Variants in SCAF11 observed in about 807,000 individuals in gnomAD.
SCAF11 encodes protein SCAF11.
SCAF11 carries 47 observed loss-of-function variants against 140.5 expected under a neutral mutation model. The observed-to-expected ratio is 0.33, with a 90% CI of 0.26 to 0.43. The LOEUF is 0.43. Among genes scored for constraint, SCAF11 ranks in the 20% least tolerant of loss-of-function variants. The pLI, the probability that SCAF11 is intolerant of heterozygous loss-of-function variation, is 1.00. For missense variants in SCAF11, 1,645 were observed against 1,705.1 expected (o/e 0.96, Z 0.62); for synonymous variants, 557 against 579.4 (o/e 0.96, Z 0.55).
At chr12:45,954,603 T>G (rs1945634514) in intron 3 of SCAF11, 1 of 150,312 alleles carries the variant, frequency 6.7e-6, no homozygotes, top group Non-Finnish European at 1.5e-5. Flanking sequence ...AGGGTTTCAC[T>G]CTGTCGCCCA....
chr12:45,985,420 C>A (rs1012486667), intron 1 of SCAF11, among the ~76,000 whole-genome samples: 2 of 152,152 alleles, frequency 1.3e-5, no homozygotes, highest in African/African-American at 4.8e-5. Context: ...CTTAGATACC[C>A]CATACTGAAG....
intron 5 of SCAF11, among the ~76,000 whole-genome samples, 176 bp from the exon 6 acceptor site, chr12:45,945,489 G>C (rs1945400448): frequency 1.3e-5 from 2 of 150,970 alleles, no homozygotes; most frequent in African/African-American, 4.9e-5. Context: ...TGAGATATTA[G>C]AATGTCAAGT....
intron 6 of SCAF11, among the ~76,000 whole-genome samples, chr12:45,940,266 A>AT (rs1945266355): frequency 1.3e-5 from 2 of 152,224 alleles, no homozygotes; most frequent in Non-Finnish European, 2.9e-5. Context: ...CAGTTAACTG[A>AT]TAAGTGGGGA....
At chr12:45,984,399 T>C (rs1946416432) in intron 1 of SCAF11, among the ~76,000 whole-genome samples, 1 of 152,218 alleles carries the variant, frequency 6.6e-6, no homozygotes, top group East Asian at 1.9e-4. Flanking sequence ...GTAATTATGA[T>C]GTGTTTTTCT....
In SCAF11 at chr12:45,926,389, T is replaced by C; in HGVS notation, c.3312A>G (p.Ser1104=). 1 of 1,614,242 alleles carries C rather than the reference T, an allele frequency of 6.2e-7. No individual in the cohort carries two copies. Among genetic ancestry groups the C allele is most frequent in the Non-Finnish European group, 8.5e-7 (1 of 1,180,036 alleles). ...CACTCCCTGAACTGTTTGAATTCCC[T>C]GAGAGGGGTTTTCGATTTTGCCACC... is the stretch of plus-strand genomic sequence containing the variant. ...ENRWQNRKPL[S]GNSNSSGSES... The change falls in exon 11 of 15, where the codon TCA becomes TCG. Residue 1104 remains serine, a synonymous_variant. Coordinates refer to ENST00000369367, the MANE Select transcript of SCAF11 (RefSeq NM_004719.3).
At position 45,927,875 on chromosome 12, in the gene SCAF11, G is replaced by C; in HGVS notation, c.1826C>G (p.Pro609Arg). The C allele has an allele frequency of 6.2e-7, 1 of 1,613,358 alleles. No individual in the cohort carries two copies. The highest frequency in any genetic ancestry group is 8.5e-7 in the Non-Finnish European group (1 of 1,179,868). Residue 609 changes from proline (P) to arginine (R), a missense_variant, in exon 11 of 15, where the codon CCC becomes CGC. Transcript: ENST00000369367. ...TTCACCCTCAGAAGATTCTAACTTG[G>C]GGCTCTCTATAAGCTCCTCTGTTTT... Reference protein sequence around the residue: ...TLKTEELIESPKLESSEGEII... With the variant: ...TLKTEELIESRKLESSEGEII...
chr12:45,990,453 T>A lies in SCAF11; in HGVS notation c.-122A>T. 1 of 1,231,496 alleles carries A rather than the reference T, an allele frequency of 8.1e-7. No individual in the cohort carries two copies. Among genetic ancestry groups the A allele is most frequent in the Non-Finnish European group, 1.0e-6 (1 of 988,032 alleles). The allele number at this position is 1,231,496 out of a possible 1,614,324, so 76.3% of individuals were successfully genotyped here. On this transcript the variant is annotated 5_prime_UTR_variant, in exon 1 of 15. Transcript: ENST00000369367. ...AAGTTCCCCAACATGGACTCCTTCG[T>A]CCGCTTTGTGGTGTTACAGGGTCTC...
At chr12:45,976,663 CA>C in intron 1 of SCAF11, among the ~76,000 whole-genome samples, 1 of 151,966 alleles carries the variant, frequency 6.6e-6, no homozygotes, top group Non-Finnish European at 1.5e-5. Context: ...AGGGAACAAA[CA>C]GAAAATAGAC....
intron 5 of SCAF11, 135 bp from the exon 6 acceptor site, chr12:45,945,448 A>T (rs1945399734): frequency 3.3e-6 from 2 of 600,954 alleles, no homozygotes. Flanking sequence ...AAATCTGGTA[A>T]ATGGTTTAAG....
rs1390185203 is a variant in SCAF11, at chr12:45,974,089, A to G, written c.-21-9901T>C. On this transcript the variant is annotated intron_variant, in intron 1 of 14. Coordinates refer to ENST00000369367, the MANE Select transcript of SCAF11 (RefSeq NM_004719.3). ...TATTGCAATAAAGCAAGTCACACAA[A>G]ATTTTTGGTTTCCTAGTATATATGT... The G allele has an allele frequency of 1.2e-5, 5 of 415,914 alleles. No homozygotes were observed. The East Asian group carries it at 3.6e-4, about 30-fold the overall frequency. 25.8% of individuals were successfully genotyped at this position (415,914 alleles called of 1,614,324 possible).
intron 1 of SCAF11, among the ~76,000 whole-genome samples, chr12:45,972,680 T>C (rs570570976): frequency 1.4e-5 from 2 of 146,490 alleles, no homozygotes; most frequent in South Asian, 4.3e-4. Context: ...TGTAACATAA[T>C]ATTCAAAATG....
intron 6 of SCAF11, among the ~76,000 whole-genome samples, chr12:45,938,481 CT>C (rs1339570335): frequency 6.7e-6 from 1 of 149,304 alleles, no homozygotes; most frequent in African/African-American, 2.4e-5. Context: ...AAGAGCGAGA[CT>C]GCATCTCAAA....
At chr12:45,952,684 G>T (rs1945579951) in intron 3 of SCAF11, among the ~76,000 whole-genome samples, 1 of 151,940 alleles carries the variant, frequency 6.6e-6, no homozygotes, top group South Asian at 2.1e-4. Flanking sequence ...TGTAAGAATG[G>T]GTTTACATTA....
At position 45,928,443 on chromosome 12, in the gene SCAF11, C is replaced by T. The variant is rs777971574; in HGVS notation, c.1258G>A (p.Glu420Lys). 9 of 1,612,220 alleles carry T rather than the reference C, an allele frequency of 5.6e-6. No homozygotes were observed. The highest frequency in any genetic ancestry group is 1.6e-4 in the Middle Eastern group (1 of 6,074). Reference protein sequence around the residue: ...TAESDTSPVLEKEHQPDVDSS... With the variant: ...TAESDTSPVLKKEHQPDVDSS... ...TCTACATCTGGTTGGTGCTCTTTTT[C>T]TAACACAGGTGATGTGTCAGATTCT... The change falls in exon 11 of 15, where the codon GAA (glutamate) becomes AAA (lysine). Residue 420 changes from glutamate to lysine, a missense_variant. Around this residue, in one of 2 missense-constraint regions of SCAF11, gnomAD observed 1,582 missense variants for 1,609.2 expected, o/e 0.98. Coordinates refer to ENST00000369367, the MANE Select transcript of SCAF11 (RefSeq NM_004719.3).
chr12:45,921,838 TTG>T lies in SCAF11; in HGVS notation c.*208_*209del, dbSNP rs1178122546. 24 of 525,392 alleles carry T rather than the reference TTG, an allele frequency of 4.6e-5. No homozygotes were observed. The South Asian group carries it at 5.7e-4, about 12-fold the overall frequency. The allele number at this position is 525,392 out of a possible 1,614,324, so 32.5% of individuals were successfully genotyped here. On this transcript the variant is annotated 3_prime_UTR_variant, in exon 15 of 15. Transcript: ENST00000369367. ...TAAACCCTTTACTTTCCCTTGAATTTTGTGGGGGAGGGTGGAGGGGAAGGAAG... is the reference window on the plus strand; with the variant it reads ...TAAACCCTTTACTTTCCCTTGAATTTTGGGGGAGGGTGGAGGGGAAGGAAG...
At position 45,930,454 on chromosome 12, in the gene SCAF11, TTG is replaced by T. The variant is rs1491422651; in HGVS notation, c.841+1050_841+1051del. Among the ~76,000 whole-genome samples, 54 of 148,674 alleles carry T rather than the reference TTG, an allele frequency of 3.6e-4. 1 individual carries two copies. The highest frequency in any genetic ancestry group is 3.4e-3 in the Middle Eastern group (1 of 290). ...TTTTGCGTTGTGTTTTGTTTTTTTT[TTG>T]TTTTTTTTTTTTTTTGAGACAGGCT... On this transcript the variant is annotated intron_variant, in intron 10 of 14. Transcript: ENST00000369367.
chr12:45,928,579 C>A lies in SCAF11; in HGVS notation c.1122G>T (p.Arg374=). The A allele has an allele frequency of 6.2e-7, 1 of 1,614,084 alleles. No individual in the cohort carries two copies. Among genetic ancestry groups the A allele is most frequent in the Non-Finnish European group, 8.5e-7 (1 of 1,180,002 alleles). The stretch of plus-strand genomic sequence containing the variant: ...GTTTTCTTCCTCTTCTTACAGACTT[C>A]CGTTTTGGAGCCTGTCTTGTTTGCT... The part of the protein sequence containing the change: ...SEKQTRQAPK[R]KSVRRGRKPP... Residue 374 remains arginine, a synonymous_variant, in exon 11 of 15, where the codon CGG becomes CGT. Transcript: ENST00000369367.
rs966951200 is a variant in SCAF11, at chr12:45,924,922, G to A, written c.3712C>T (p.Pro1238Ser). ...IFPYPVGVHA[P>S]LMNIQRNPFN... ...GGATTGCGTTGGATGTTCATCAAAG[G>A]AGCATGAACACCCACTGGATATGGG... Residue 1238 changes from proline (P) to serine (S), a missense_variant, in exon 12 of 15, where the codon CCT (proline) becomes TCT (serine). Pro to Ser is a moderately conservative substitution (Grantham distance 74, BLOSUM62 -1). This residue lies in a region of SCAF11 where 1,582 missense variants were observed against 1,609.2 expected (regional missense o/e 0.98). Transcript: ENST00000369367. 2.5e-5 allele frequency: 40 copies of A among 1,614,020 alleles called. No homozygotes were observed. Among genetic ancestry groups the A allele is most frequent in the Non-Finnish European group, 3.3e-5 (39 of 1,180,028 alleles).
intron 6 of SCAF11, among the ~76,000 whole-genome samples, chr12:45,935,715 C>T (rs1286341647): frequency 6.6e-6 from 1 of 152,166 alleles, no homozygotes; most frequent in Non-Finnish European, 1.5e-5. Context: ...AGATAAAATG[C>T]TCTCTACTGA....
Sources: allele counts gnomAD v4.1 joint callset (sites outside exome capture counted in the v4.1 genomes callset), GRCh38; gene constraint gnomAD v4.1.1; regional missense constraint gnomAD v4.1.1; transcripts MANE v1.5; gene names NCBI Gene and HGNC (gene_info 2026-07-23, HGNC 2026-07-21).